Variants in SLC7A9 observed in about 807,000 individuals in gnomAD.
SLC7A9 encodes the protein solute carrier family 7 member 9, also known as B(0,+)-type amino acid transporter 1.
SLC7A9 carries 38 observed loss-of-function variants against 54.1 expected under a neutral mutation model. The ratio of observed to expected loss-of-function variants is 0.70; its 90% CI spans 0.54 to 0.92. The LOEUF is 0.92. Among genes scored for constraint, SLC7A9 ranks in the 40% least tolerant of loss-of-function variants. The probability of loss-of-function intolerance (pLI) is 0.00; values close to 1 mark genes in which losing one functional copy is unlikely to be tolerated. For missense variants in SLC7A9, 537 were observed against 636.1 expected (o/e 0.84, Z 1.68); for synonymous variants, 264 against 258.9 (o/e 1.02, Z -0.19).
rs764731878 is a variant in SLC7A9 at position 32,862,188 on chromosome 19, C to T, written c.634G>A (p.Glu212Lys). 3.1e-6 allele frequency: 5 copies of T among 1,613,896 alleles called. No homozygotes were observed. Among genetic ancestry groups the T allele is most frequent in the East Asian group, 4.5e-5 (2 of 44,874 alleles). Residue 212 changes from glutamate to lysine, a missense_variant, in exon 6 of 13, where the codon GAG becomes AAG. Physicochemically the swap from Glu to Lys is moderately conservative, Grantham distance 56. Transcript: ENST00000023064. ...GCTCCCACAGACAGCTGGGCGCCCT[C>T]GAAAGAATTATCAAAATTCTTTGTG... ...GNTKNFDNSFEGAQLSVGAIS... is the reference protein window; with the variant it reads ...GNTKNFDNSFKGAQLSVGAIS...
At chr19:32,857,126 G>A (rs547160802) in intron 9 of SLC7A9, among the ~76,000 whole-genome samples, 2 of 152,136 alleles carry the variant, frequency 1.3e-5, no homozygotes, top group Admixed American at 6.5e-5. Context: ...CTCCAGCCTG[G>A]GTGACAGAGC....
Position 32,854,881 on chromosome 19 carries a change from C to T in SLC7A9, c.977+3559G>A, listed in dbSNP as rs193185972. Among the ~76,000 whole-genome samples, 4 of 152,320 alleles carry T rather than the reference C, an allele frequency of 2.6e-5. No individual in the cohort carries two copies. In the East Asian group the frequency reaches 7.7e-4, roughly 29 times the overall value. ...GGGATTACAGGCGTGAGCCACTGCA[C>T]CTGGCCTTGGGTATATATTTGAATG... is the stretch of plus-strand genomic sequence containing the variant. On this transcript the variant is annotated intron_variant, in intron 9 of 12. Coordinates refer to ENST00000023064, the MANE Select transcript of SLC7A9 (RefSeq NM_014270.5).
At chr19:32,842,049 T>C (rs1968141418) in intron 11 of SLC7A9, 119 bp downstream of exon 11, 1 of 994,130 alleles carries the variant, frequency 1.0e-6, no homozygotes, top group Non-Finnish European at 1.6e-6. Context: ...TAAAATACGA[T>C]ATTTTAAAAG....
chr19:32,838,902 T>C (rs1401770699), intron 11 of SLC7A9, among the ~76,000 whole-genome samples: 1 of 151,452 alleles, frequency 6.6e-6, no homozygotes, highest in Non-Finnish European at 1.5e-5. Context: ...AGTCCCCTTT[T>C]AAAGATATGA....
chr19:32,849,997 ACT>A (rs1350970934), intron 9 of SLC7A9, among the ~76,000 whole-genome samples: 1 of 151,450 alleles, frequency 6.6e-6, no homozygotes, highest in African/African-American at 2.4e-5. Flanking sequence ...CATGCTAAAA[ACT>A]CTCAATAAAT....
intron 8 of SLC7A9, 101 bp downstream of exon 8, chr19:32,859,740 G>T: frequency 9.8e-7 from 1 of 1,022,684 alleles, no homozygotes; most frequent in Non-Finnish European, 1.5e-6. Flanking sequence ...CGTGAATATC[G>T]CCCTCCTTCC....
chr19:32,847,428 C>G (rs896376406), intron 9 of SLC7A9, among the ~76,000 whole-genome samples: 12 of 151,282 alleles, frequency 7.9e-5, no homozygotes, highest in African/African-American at 2.9e-4. Context: ...CTGGAAGAAA[C>G]GGTATCAGTA....
chr19:32,836,841 T>C (rs1401897016), intron 11 of SLC7A9, among the ~76,000 whole-genome samples: 1 of 152,254 alleles, frequency 6.6e-6, no homozygotes. Context: ...GCCTTTAGCA[T>C]GGCCTGTCTT....
At chr19:32,865,028 C>T (rs1358749797) in intron 2 of SLC7A9, among the ~76,000 whole-genome samples, 2 of 152,194 alleles carry the variant, frequency 1.3e-5, no homozygotes, top group African/African-American at 4.8e-5. Flanking sequence ...CAGAGGAGGA[C>T]GCTGAGGCAC....
At chr19:32,832,284 C>T (rs1967820412) in intron 12 of SLC7A9, among the ~76,000 whole-genome samples, 1 of 147,978 alleles carries the variant, frequency 6.8e-6, no homozygotes, top group South Asian at 2.2e-4. Context: ...AGCAAAACTC[C>T]ATCTCAAAAC....
chr19:32,837,912 A>T (rs1968011196), intron 11 of SLC7A9, among the ~76,000 whole-genome samples: 1 of 152,206 alleles, frequency 6.6e-6, no homozygotes, highest in Admixed American at 6.5e-5. Context: ...TCTATAGTTC[A>T]GGGTGTTAAA....
chr19:32,845,473 G>T (rs1040959224), intron 9 of SLC7A9, among the ~76,000 whole-genome samples: 1 of 152,048 alleles, frequency 6.6e-6, no homozygotes. Context: ...CCAGACTCCA[G>T]CCTGAGCGAC....
intron 11 of SLC7A9, among the ~76,000 whole-genome samples, chr19:32,836,320 A>G (rs980243967): frequency 2.0e-5 from 3 of 152,200 alleles, no homozygotes; most frequent in Non-Finnish European, 4.4e-5. Flanking sequence ...AAATGCTGGG[A>G]TTACAGGCGT....
chr19:32,868,546 C>T lies in SLC7A9; in HGVS notation c.-12G>A. 1 of 1,610,214 alleles carries T rather than the reference C, an allele frequency of 6.2e-7. No homozygotes were observed. Among genetic ancestry groups the T allele is most frequent in the Non-Finnish European group, 8.5e-7 (1 of 1,176,400 alleles). The stretch of plus-strand genomic sequence containing the variant: ...CCAGTATCCCCCATGTTTCCTCCTG[C>T]TGGTTCCAGGAGACTGCAAGGAGGG... On this transcript the variant is annotated 5_prime_UTR_variant, in exon 2 of 13. Coordinates refer to ENST00000023064, the MANE Select transcript of SLC7A9 (RefSeq NM_014270.5).
chr19:32,843,918 C>T lies in SLC7A9; in HGVS notation c.1011G>A (p.Met337Ile). ...CGCTGATGTAAGAAAGCACTTTGAGCATGTGACCCTCCCGGCCCGCCACGT... is the reference window on the plus strand; with the variant it reads ...CGCTGATGTAAGAAAGCACTTTGAGTATGTGACCCTCCCGGCCCGCCACGT... ...LIYVAGREGH[M>I]LKVLSYISVR... The change falls in exon 10 of 13, where the codon ATG becomes ATA. Residue 337 changes from methionine to isoleucine, a missense_variant. Transcript: ENST00000023064. 6.2e-7 allele frequency: 1 copy of T among 1,613,844 alleles called. No homozygotes were observed. The highest frequency in any genetic ancestry group is 8.5e-7 in the Non-Finnish European group (1 of 1,179,962).
chr19:32,857,133 G>C (rs1198284401), intron 9 of SLC7A9, among the ~76,000 whole-genome samples: 1 of 152,050 alleles, frequency 6.6e-6, no homozygotes, highest in African/African-American at 2.4e-5. Flanking sequence ...CTGGGTGACA[G>C]AGCAAGACTC....
At chr19:32,831,568 A>T (rs956757602) in intron 12 of SLC7A9, among the ~76,000 whole-genome samples, 9 of 152,148 alleles carry the variant, frequency 5.9e-5, no homozygotes, top group Admixed American at 1.3e-4. Flanking sequence ...GATTACAGAC[A>T]TGAGCCACCG....
At chr19:32,842,770 A>C (rs1328528441) in intron 10 of SLC7A9, among the ~76,000 whole-genome samples, 1 of 150,824 alleles carries the variant, frequency 6.6e-6, no homozygotes, top group African/African-American at 2.4e-5. Flanking sequence ...GCACCACCAC[A>C]CCCGGCTAAT....
intron 9 of SLC7A9, 75 bp from the exon 10 acceptor site, chr19:32,844,026 C>G: frequency 8.7e-7 from 1 of 1,147,992 alleles, no homozygotes; most frequent in South Asian, 1.3e-5. Flanking sequence ...GACTTGTGCT[C>G]CGGGGTCCAC....
Sources: allele counts gnomAD v4.1 joint callset (sites outside exome capture counted in the v4.1 genomes callset), GRCh38; gene constraint gnomAD v4.1.1; transcripts MANE v1.5; gene names NCBI Gene and HGNC (gene_info 2026-07-23, HGNC 2026-07-21).